Variants in VPS13D observed in about 807,000 individuals in gnomAD.
VPS13D encodes intermembrane lipid transfer protein VPS13D.
Under a neutral mutation model 461.9 loss-of-function variants are expected in VPS13D, and 187 were observed. That is an observed-to-expected ratio of 0.40 (90% CI 0.36 to 0.46). VPS13D has a LOEUF of 0.46. Ranked by LOEUF, VPS13D falls within the 20% of genes least tolerant of loss-of-function variation. The probability of loss-of-function intolerance (pLI) is 0.60; values close to 1 mark genes in which losing one functional copy is unlikely to be tolerated. For missense variants in VPS13D, 4,711 were observed against 5,364.9 expected (o/e 0.88, Z 3.81); for synonymous variants, 1,951 against 1,986.3 (o/e 0.98, Z 0.47).
chr1:12,387,699 G>A (rs1376126511), intron 60 of VPS13D, among the ~76,000 whole-genome samples: 1 of 152,182 alleles, frequency 6.6e-6, no homozygotes. Flanking sequence ...ACTAAAGCTT[G>A]TAGAGATTAA....
intron 32 of VPS13D, among the ~76,000 whole-genome samples, chr1:12,320,280 G>C (rs746155922): frequency 1.9e-4 from 29 of 152,170 alleles, no homozygotes; most frequent in Non-Finnish European, 3.7e-4. Flanking sequence ...TTTGTCTCTT[G>C]TTAAGCCATG....
chr1:12,304,765 G>T, intron 26 of VPS13D, 37 bp downstream of exon 26: 1 of 1,606,286 alleles, frequency 6.2e-7, no homozygotes. Flanking sequence ...ACTGAAGGTG[G>T]GGAAATTCAC....
chr1:12,456,059 G>A lies in VPS13D; in HGVS notation c.12395G>A (p.Arg4132Gln), dbSNP rs745992306. The A allele has an allele frequency of 1.2e-6, 2 of 1,613,974 alleles. No homozygotes were observed. Among genetic ancestry groups the A allele is most frequent in the African/African-American group, 1.3e-5 (1 of 75,020 alleles). The change falls in exon 66 of 70, where the codon CGG (arginine) becomes CAG (glutamine). Residue 4132 changes from arginine (R) to glutamine (Q), a missense_variant. By Grantham distance (43) the Arg-to-Gln change is conservative (BLOSUM62 1). Coordinates refer to ENST00000620676, the MANE Select transcript of VPS13D (RefSeq NM_015378.4). ...ATGGACAATCGGCATCAGTCAGAGC[G>A]GGAGTACATCAGGTACCATGCAGCC... ...KTMDNRHQSE[R>Q]EYIRYHAATS...
intron 6 of VPS13D, among the ~76,000 whole-genome samples, chr1:12,252,491 G>T (rs117962388): frequency 0.021 from 3,132 of 152,240 alleles, 154 homozygotes; most frequent in Admixed American, 0.12. Flanking sequence ...TCCCCCACTG[G>T]CTGGGTGCAG....
intron 50 of VPS13D, among the ~76,000 whole-genome samples, 186 bp from the exon 51 acceptor site, chr1:12,362,534 A>G (rs1342130139): frequency 6.6e-6 from 1 of 152,254 alleles, no homozygotes; most frequent in Non-Finnish European, 1.5e-5. Context: ...AAATGGGAAT[A>G]AGGAGTAATA....
chr1:12,289,604 G>A (rs1642067776), intron 22 of VPS13D, among the ~76,000 whole-genome samples: 1 of 149,114 alleles, frequency 6.7e-6, no homozygotes, highest in South Asian at 2.1e-4. Context: ...TCCTGTTAAT[G>A]GCCTTTAAGA....
intron 67 of VPS13D, among the ~76,000 whole-genome samples, chr1:12,462,030 A>G (rs187967256): frequency 7.2e-5 from 11 of 152,314 alleles, no homozygotes; most frequent in East Asian, 3.9e-4. Flanking sequence ...CATAGCTGCC[A>G]TTTATTCATT....
intron 63 of VPS13D, among the ~76,000 whole-genome samples, chr1:12,412,135 CAATT>C (rs979002208): frequency 3.9e-5 from 6 of 152,190 alleles, no homozygotes; most frequent in Non-Finnish European, 5.9e-5. Flanking sequence ...ACACAGAAAA[CAATT>C]AAACATTATT....
At chr1:12,392,055 T>A (rs1287985830) in intron 60 of VPS13D, among the ~76,000 whole-genome samples, 2 of 152,100 alleles carry the variant, frequency 1.3e-5, no homozygotes, top group Non-Finnish European at 2.9e-5. Context: ...GAGACAGGGA[T>A]CTTGCCGTGT....
intron 14 of VPS13D, among the ~76,000 whole-genome samples, chr1:12,267,538 GGA>G (rs1197986322): frequency 6.6e-6 from 1 of 152,144 alleles, no homozygotes; most frequent in Non-Finnish European, 1.5e-5. Context: ...GGAACGTTAT[GGA>G]GAGGGTGGGA....
chr1:12,418,407 A>G (rs1184807257), intron 65 of VPS13D, among the ~76,000 whole-genome samples: 1 of 152,246 alleles, frequency 6.6e-6, no homozygotes, highest in African/African-American at 2.4e-5. Flanking sequence ...TGGACTTGAT[A>G]TAAATGAATG....
At chr1:12,400,958 G>A (rs111513782) in intron 61 of VPS13D, among the ~76,000 whole-genome samples, 17 of 80,482 alleles carry the variant, frequency 2.1e-4, no homozygotes, top group East Asian at 1.2e-3. Context: ...GCACCTGCGC[G>A]CGCGCACACA....
At chr1:12,284,486 AAG>A (rs1641904493) in intron 21 of VPS13D, among the ~76,000 whole-genome samples, 1 of 152,216 alleles carries the variant, frequency 6.6e-6, no homozygotes, top group Non-Finnish European at 1.5e-5. Flanking sequence ...AACCATAAAA[AAG>A]ACAGCATTTG....
intron 58 of VPS13D, among the ~76,000 whole-genome samples, chr1:12,384,710 C>T (rs1644328155): frequency 1.3e-5 from 2 of 152,108 alleles, no homozygotes; most frequent in South Asian, 4.1e-4. Flanking sequence ...GCCTCGAACT[C>T]CTGGGCTCAG....
At chr1:12,349,422 C>A (rs1037716891) in intron 46 of VPS13D, 48 bp downstream of exon 46, 3 of 1,514,650 alleles carry the variant, frequency 2.0e-6, no homozygotes, top group Non-Finnish European at 2.7e-6. Context: ...TTTTTTTTTT[C>A]TTTTGGAATG....
At position 12,379,615 on chromosome 1, in the gene VPS13D, C is replaced by T. The variant is rs749202230; in HGVS notation, c.11190+19C>T. On this transcript the variant is annotated intron_variant, in intron 57 of 69. Transcript: ENST00000620676. ...CGTCCAGGTCAGTCGTTTTTGATCC[C>T]CAATTGCAGCAAGCAGTGGTTGAGC... 27 of 1,584,950 alleles carry T rather than the reference C, an allele frequency of 1.7e-5. No individual in the cohort carries two copies. The highest frequency in any genetic ancestry group is 2.2e-5 in the Non-Finnish European group (25 of 1,156,238).
rs573379831 is a variant in VPS13D at position 12,394,737 on chromosome 1, A to T, written c.11635-5444A>T. The stretch of plus-strand genomic sequence containing the variant: ...TCCTTTGGATCCCTTCCTGTACGTT[A>T]AACCAAAGGAGATCACACATTTCCA... On this transcript the variant is annotated intron_variant, in intron 60 of 69. Coordinates refer to ENST00000620676, the MANE Select transcript of VPS13D (RefSeq NM_015378.4). 2.6e-5 allele frequency among the ~76,000 whole-genome samples: 4 copies of T among 152,106 alleles called. No homozygotes were observed. In the South Asian group the frequency reaches 8.3e-4, roughly 32 times the overall value.
At chr1:12,447,425 G>A (rs970471100) in intron 65 of VPS13D, among the ~76,000 whole-genome samples, 1 of 152,164 alleles carries the variant, frequency 6.6e-6, no homozygotes, top group Non-Finnish European at 1.5e-5. Flanking sequence ...TTTCATTGAT[G>A]AGAGGCCCCA....
intron 57 of VPS13D, among the ~76,000 whole-genome samples, chr1:12,380,096 A>G (rs1198476430): frequency 1.3e-5 from 2 of 152,158 alleles, no homozygotes; most frequent in Non-Finnish European, 2.9e-5. Context: ...TACATGGGAA[A>G]AGTTCTTGGA....
Sources: gnomAD v4.1 joint callset for allele counts (sites outside exome capture counted in the v4.1 genomes callset) on GRCh38, gnomAD v4.1.1 for gene constraint, MANE v1.5 for transcripts, NCBI Gene and HGNC (gene_info 2026-07-23, HGNC 2026-07-21) for gene names.